EXOC4: variants seen among roughly 807,000 people sequenced by gnomAD.
EXOC4 encodes exocyst complex component 4.
In EXOC4, 71 loss-of-function variants were observed where a neutral mutation model predicts 107.2. That is an observed-to-expected ratio of 0.66 (90% CI 0.55 to 0.81). The LOEUF is 0.81. Ranked by LOEUF, EXOC4 falls within the 30% of genes least tolerant of loss-of-function variation. EXOC4 has a pLI of 0.00. For missense variants in EXOC4, 1,108 were observed against 1,189.6 expected, an observed-to-expected ratio of 0.93 and a Z score of 1.01; for synonymous variants, 456 against 441.2, an observed-to-expected ratio of 1.03 and a Z score of -0.42.
chr7:133,630,296 C>T lies in EXOC4; in HGVS notation c.1514+155C>T. On this transcript the variant is annotated intron_variant, in intron 10 of 17. Transcript: ENST00000253861. ...TCACTATTAAAGTTAGTCAGTTTAG[C>T]AGATAATCTCAATCCCACTGAGTAG... is the stretch of plus-strand genomic sequence containing the variant. 8.7e-6 allele frequency: 5 copies of T among 575,230 alleles called. No individual in the cohort carries two copies. In the South Asian group the frequency reaches 1.3e-4, roughly 14 times the overall value. 35.6% of individuals were successfully genotyped at this position (575,230 alleles called of 1,614,324 possible).
intron 10 of EXOC4, among the ~76,000 whole-genome samples, chr7:133,755,234 AATATATATAAT>A (rs1403221752): frequency 9.3e-6 from 1 of 108,050 alleles, no homozygotes; most frequent in African/African-American, 4.0e-5. Context: ...ATATATATAT[AATATATATAAT>A]ATATATATTA....
chr7:133,915,016 A>G (rs1001154973), intron 12 of EXOC4, among the ~76,000 whole-genome samples: 1 of 152,248 alleles, frequency 6.6e-6, no homozygotes, highest in African/African-American at 2.4e-5. Context: ...AAGCCAGTAG[A>G]TTTGTAAAAG....
rs1236612449 is a variant in EXOC4 at position 133,599,921 on chromosome 7, A to G, written c.1418-30124A>G. On this transcript the variant is annotated intron_variant, in intron 9 of 17. Coordinates refer to ENST00000253861, the MANE Select transcript of EXOC4 (RefSeq NM_021807.4). ...TTTTTTTTTTTTTTTTTTTTGGGAG[A>G]CAGGGTCTCACTCCTGTCTCCCAGG... Among the ~76,000 whole-genome samples, 16 of 105,812 alleles carry G rather than the reference A, an allele frequency of 1.5e-4. 1 individual carries two copies. In the Admixed American group the frequency reaches 1.8e-3, roughly 12 times the overall value. 69.4% of individuals were successfully genotyped at this position (105,812 alleles called of 152,430 possible).
chr7:133,372,480 G>T (rs1270080774), intron 6 of EXOC4, among the ~76,000 whole-genome samples: 1 of 152,150 alleles, frequency 6.6e-6, no homozygotes, highest in African/African-American at 2.4e-5. Context: ...TTTATTAAGA[G>T]ATTGCTATTT....
At chr7:134,044,780 C>T (rs1795607903) in intron 17 of EXOC4, among the ~76,000 whole-genome samples, 1 of 152,240 alleles carries the variant, frequency 6.6e-6, no homozygotes, top group Non-Finnish European at 1.5e-5. Context: ...CACTTATATT[C>T]ACATAGCACT....
intron 10 of EXOC4, among the ~76,000 whole-genome samples, chr7:133,656,802 A>T (rs971207922): frequency 6.6e-6 from 1 of 152,228 alleles, no homozygotes; most frequent in Admixed American, 6.5e-5. Context: ...GATATAGTAT[A>T]GCTTTGTAGT....
Position 133,356,584 on chromosome 7 carries a change from G to T in EXOC4, c.1007+11G>T. ...GGAGAACCAACCAAGGTAGGTGGGA[G>T]TGTATTTTGTATTTTTGACAACTCT... On this transcript the variant is annotated intron_variant, in intron 6 of 17. Coordinates refer to ENST00000253861, the MANE Select transcript of EXOC4 (RefSeq NM_021807.4). 6.2e-7 allele frequency: 1 copy of T among 1,613,244 alleles called. No individual in the cohort carries two copies. The highest frequency in any genetic ancestry group is 8.5e-7 in the Non-Finnish European group (1 of 1,179,522).
chr7:133,419,964 CTTTTTTT>C (rs60203961), intron 7 of EXOC4, among the ~76,000 whole-genome samples: 1 of 134,476 alleles, frequency 7.4e-6, no homozygotes, highest in South Asian at 2.4e-4. Flanking sequence ...TCTGCTTCTT[CTTTTTTT>C]TTTTTTTTTT....
chr7:134,069,229 C>CTCCTTCTTCTTCTCCTTA (rs1428064952), downstream of EXOC4, among the ~76,000 whole-genome samples: 2 of 151,612 alleles, frequency 1.3e-5, no homozygotes, highest in African/African-American at 4.9e-5. Context: ...TCTCCTTCTT[C>CTCCTTCTTCTTCTCCTTA]TTCTCCTTAT....
At chr7:134,051,887 C>G (rs6950341) in intron 17 of EXOC4, among the ~76,000 whole-genome samples, 106,913 of 150,830 alleles carry the variant, frequency 0.71, 39,395 homozygotes, top group African/African-American at 0.92. Flanking sequence ...TCAGGAGGCT[C>G]AGGCAGGAGA....
intron 11 of EXOC4, among the ~76,000 whole-genome samples, chr7:133,872,523 A>G (rs1165256877): frequency 6.6e-6 from 1 of 152,320 alleles, no homozygotes; most frequent in East Asian, 1.9e-4. Context: ...TTGCTAGAAC[A>G]AAAGGGAAAC....
intron 4 of EXOC4, among the ~76,000 whole-genome samples, chr7:133,314,463 A>G (rs1323798527): frequency 1.3e-5 from 2 of 152,206 alleles, no homozygotes; most frequent in African/African-American, 2.4e-5. Flanking sequence ...TTGACTTTCT[A>G]AAAGTTTATT....
At chr7:133,359,404 A>G (rs1434836447) in intron 6 of EXOC4, among the ~76,000 whole-genome samples, 4 of 152,192 alleles carry the variant, frequency 2.6e-5, no homozygotes, top group Non-Finnish European at 5.9e-5. Flanking sequence ...AGTGGCATTT[A>G]TTTCAGAGAG....
rs1029934340 is a variant in EXOC4, at chr7:133,711,734, G to A, written c.1514+81593G>A. Among the ~76,000 whole-genome samples, 208 of 152,158 alleles carry A rather than the reference G, an allele frequency of 1.4e-3. 5 individuals are homozygous for A. The highest frequency in any genetic ancestry group is 0.014 in the Admixed American group (208 of 15,266). On this transcript the variant is annotated intron_variant, in intron 10 of 17. Coordinates refer to ENST00000253861, the MANE Select transcript of EXOC4 (RefSeq NM_021807.4). ...CTAGCATTTAGTTTTTTCCTAGCAG[G>A]AATCATTTAGGAGATTTCCTGGTTG...
intron 11 of EXOC4, among the ~76,000 whole-genome samples, chr7:133,859,968 A>G (rs191171778): frequency 9.2e-5 from 14 of 152,342 alleles, no homozygotes; most frequent in Middle Eastern, 6.8e-3. Flanking sequence ...CCAGCTGTAG[A>G]CTAGAAAACT....
intron 15 of EXOC4, 64 bp from the exon 16 acceptor site, chr7:134,004,848 A>G (rs1331777322): frequency 7.1e-7 from 1 of 1,413,254 alleles, no homozygotes; most frequent in Non-Finnish European, 9.7e-7. Context: ...GCTCTGTCCC[A>G]AGATCATTGC....
chr7:133,567,406 A>G (rs1210419884), intron 9 of EXOC4, among the ~76,000 whole-genome samples: 1 of 151,902 alleles, frequency 6.6e-6, no homozygotes, highest in Non-Finnish European at 1.5e-5. Context: ...TTGTTACACC[A>G]TAATTTATAT....
chr7:133,448,824 G>A (rs1798277220), intron 7 of EXOC4, among the ~76,000 whole-genome samples: 1 of 152,150 alleles, frequency 6.6e-6, no homozygotes, highest in African/African-American at 2.4e-5. Flanking sequence ...GGAAATTTAG[G>A]CCAGGCGTGG....
intron 14 of EXOC4, among the ~76,000 whole-genome samples, chr7:133,984,808 G>A (rs1337919173): frequency 2.0e-5 from 3 of 152,122 alleles, no homozygotes; most frequent in African/African-American, 7.2e-5. Flanking sequence ...CTCCCATTTG[G>A]TCCTCACAAC....
Sources: gnomAD v4.1 joint callset for allele counts (sites outside exome capture counted in the v4.1 genomes callset) on GRCh38, gnomAD v4.1.1 for gene constraint, MANE v1.5 for transcripts, NCBI Gene and HGNC (gene_info 2026-07-23, HGNC 2026-07-21) for gene names.